The following PDE10A variants were observed in gnomAD, a reference collection of about 807,000 sequenced individuals.
PDE10A encodes cAMP and cAMP-inhibited cGMP 3',5'-cyclic phosphodiesterase 10A.
PDE10A carries 39 observed loss-of-function variants against 97.7 expected under a neutral mutation model. The observed-to-expected ratio is 0.40, with a 90% CI of 0.31 to 0.52. The LOEUF is 0.52. Ranked by LOEUF, PDE10A falls within the 20% of genes least tolerant of loss-of-function variation. PDE10A has a pLI of 0.56. For synonymous variants in PDE10A, 371 were observed against 376.8 expected (o/e 0.98, Z 0.18); for missense variants, 731 against 1,047.8 (o/e 0.70, Z 4.17).
chr6:165,665,685 C>G (rs1193131746), upstream of PDE10A, among the ~76,000 whole-genome samples: 1 of 150,816 alleles, frequency 6.6e-6, no homozygotes, highest in East Asian at 1.9e-4. Flanking sequence ...TCCAAGCCCA[C>G]GTTGCAAAGA....
chr6:165,334,368 T>C (rs912524363), intron 21 of PDE10A, among the ~76,000 whole-genome samples: 1 of 149,746 alleles, frequency 6.7e-6, no homozygotes, highest in Non-Finnish European at 1.5e-5. Flanking sequence ...CGCGCCTCCA[T>C]AGCGCCCTAC....
intron 1 of PDE10A, among the ~76,000 whole-genome samples, chr6:165,634,299 G>C (rs978943350): frequency 1.3e-5 from 2 of 152,128 alleles, no homozygotes; most frequent in African/African-American, 4.8e-5. Flanking sequence ...AGTGTGCGGA[G>C]TGTATCTGTT....
chr6:165,701,428 G>A (rs1300211509), intron 1 of PDE10A, among the ~76,000 whole-genome samples: 1 of 152,100 alleles, frequency 6.6e-6, no homozygotes. Context: ...GCTTGGACCG[G>A]GCCATTTTCT....
At chr6:165,346,645 C>T (rs764029852) in intron 18 of PDE10A, among the ~76,000 whole-genome samples, 5 of 152,100 alleles carry the variant, frequency 3.3e-5, no homozygotes, top group Non-Finnish European at 7.4e-5. Flanking sequence ...CAAAATAGAC[C>T]ACACAGCCTG....
intron 1 of PDE10A, among the ~76,000 whole-genome samples, chr6:165,570,049 G>A (rs1459835452): frequency 6.6e-6 from 1 of 152,078 alleles, no homozygotes; most frequent in Non-Finnish European, 1.5e-5. Context: ...ATGTGTTGAA[G>A]TCCTAACCCC....
At chr6:165,670,032 G>A (rs1014715984) in intron 1 of PDE10A, among the ~76,000 whole-genome samples, 1 of 152,222 alleles carries the variant, frequency 6.6e-6, no homozygotes, top group African/African-American at 2.4e-5. Context: ...GGCCAGAAGG[G>A]ACACCTGGAA....
chr6:165,435,871 G>A (rs146205790), intron 5 of PDE10A, among the ~76,000 whole-genome samples: 95 of 152,200 alleles, frequency 6.2e-4, no homozygotes, highest in Non-Finnish European at 1.2e-3. Context: ...ACTTCGACTG[G>A]CTAGTTTATA....
At chr6:165,635,283 T>C (rs903273744) in intron 1 of PDE10A, among the ~76,000 whole-genome samples, 4 of 152,146 alleles carry the variant, frequency 2.6e-5, no homozygotes, top group East Asian at 3.9e-4. Flanking sequence ...AACATAGAGA[T>C]TGGATTGATA....
chr6:165,892,041 G>A (rs542217612), intron 1 of PDE10A, among the ~76,000 whole-genome samples: 4 of 151,936 alleles, frequency 2.6e-5, no homozygotes, highest in Admixed American at 6.5e-5. Flanking sequence ...CCCACTGACC[G>A]GACATGATCC....
intron 1 of PDE10A, among the ~76,000 whole-genome samples, chr6:165,786,484 AG>A (rs1778497502): frequency 6.6e-6 from 1 of 152,226 alleles, no homozygotes; most frequent in Non-Finnish European, 1.5e-5. Context: ...TGTACCTGTG[AG>A]GGGTAAAGAA....
chr6:165,435,625 T>G (rs1789959511), intron 5 of PDE10A, among the ~76,000 whole-genome samples: 1 of 152,180 alleles, frequency 6.6e-6, no homozygotes, highest in Non-Finnish European at 1.5e-5. Context: ...GAAACACTCT[T>G]CAAATAGCCT....
intron 1 of PDE10A, among the ~76,000 whole-genome samples, chr6:165,911,364 G>A (rs559166334): frequency 2.0e-5 from 3 of 152,282 alleles, no homozygotes; most frequent in Admixed American, 1.3e-4. Flanking sequence ...CTCCAAATGA[G>A]TTTCTCAAAA....
intron 1 of PDE10A, among the ~76,000 whole-genome samples, chr6:165,721,797 TG>T (rs1792173465): frequency 6.6e-6 from 1 of 152,202 alleles, no homozygotes; most frequent in South Asian, 2.1e-4. Context: ...TTGATTATGA[TG>T]TTTTAAATGA....
At chr6:165,926,728 G>A (rs1467123482) in intron 1 of PDE10A, among the ~76,000 whole-genome samples, 1 of 152,138 alleles carries the variant, frequency 6.6e-6, no homozygotes, top group Non-Finnish European at 1.5e-5. Flanking sequence ...CAGACAGGCT[G>A]GGCTCCACTA....
intron 1 of PDE10A, chr6:165,939,508 T>C (rs565469893): frequency 1.9e-4 from 29 of 152,384 alleles, no homozygotes; most frequent in Admixed American, 1.6e-3. Context: ...CATAGTTTAC[T>C]TTTATTTCAA....
intron 3 of PDE10A, among the ~76,000 whole-genome samples, chr6:165,460,480 T>C (rs1415636795): frequency 6.6e-6 from 1 of 152,100 alleles, no homozygotes; most frequent in Non-Finnish European, 1.5e-5. Context: ...ATTGGGTAAA[T>C]CAAATTGCTG....
chr6:165,384,641 T>A (rs1322131181), intron 17 of PDE10A, among the ~76,000 whole-genome samples: 1 of 93,642 alleles, frequency 1.1e-5, no homozygotes, highest in African/African-American at 5.8e-5. Context: ...AGTGTGTGTG[T>A]GTGTGTGTGT....
intron 1 of PDE10A, among the ~76,000 whole-genome samples, chr6:165,770,207 G>A (rs1777967496): frequency 6.8e-6 from 1 of 146,306 alleles, no homozygotes; most frequent in Non-Finnish European, 1.5e-5. Context: ...GACTACATAT[G>A]AGTTCCATGA....
intron 1 of PDE10A, among the ~76,000 whole-genome samples, chr6:165,676,859 C>A (rs1392789919): frequency 3.9e-5 from 6 of 152,192 alleles, no homozygotes; most frequent in African/African-American, 1.4e-4. Context: ...GGACTTGCAA[C>A]TGCAGGAGTG....
Sources: allele counts gnomAD v4.1 joint callset (sites outside exome capture counted in the v4.1 genomes callset), GRCh38; gene constraint gnomAD v4.1.1; transcripts MANE v1.5; gene names NCBI Gene and HGNC (gene_info 2026-07-23, HGNC 2026-07-21).